Variants in GPI observed in about 807,000 individuals in gnomAD.
The protein encoded by GPI is D-hexose-6-phosphate anomerase.
In GPI, 56 loss-of-function variants were observed where a neutral mutation model predicts 75.8. The observed-to-expected ratio is 0.74, with a 90% CI of 0.60 to 0.92. The LOEUF (loss-of-function observed/expected upper bound fraction) is 0.92, where lower values mean the gene tolerates loss of function less well. Ranked by LOEUF, GPI falls within the 40% of genes least tolerant of loss-of-function variation. The pLI, the probability that GPI is intolerant of heterozygous loss-of-function variation, is 0.00. For synonymous variants in GPI, 288 were observed against 285.4 expected (o/e 1.01, Z -0.09); for missense variants, 638 against 741.0 (o/e 0.86, Z 1.61).
At chr19:34,372,087 C>T (rs2074462047) in intron 4 of GPI, among the ~76,000 whole-genome samples, 1 of 151,752 alleles carries the variant, frequency 6.6e-6, no homozygotes, top group Non-Finnish European at 1.5e-5. Flanking sequence ...TCCGCCACCA[C>T]ACCCAGCTAA....
intron 14 of GPI, among the ~76,000 whole-genome samples, 192 bp downstream of exon 14, chr19:34,396,849 C>T (rs961646037): frequency 6.6e-6 from 1 of 152,112 alleles, no homozygotes; most frequent in African/African-American, 2.4e-5. Context: ...CTTGCTCTGT[C>T]GCCCAGGCTG....
upstream of GPI, chr19:34,365,014 C>T (rs2074332318): frequency 6.5e-7 from 1 of 1,531,094 alleles, no homozygotes; most frequent in African/African-American, 1.4e-5. Flanking sequence ...AGCGGCGGCG[C>T]AAGAGGTAGG....
rs2074563506 is a variant in GPI at position 34,377,439 on chromosome 19, A to T, written c.403-64A>T. 3 of 1,168,832 alleles carry T rather than the reference A, an allele frequency of 2.6e-6. 1 individual carries two copies. Among genetic ancestry groups the T allele is most frequent in the Non-Finnish European group, 3.9e-6 (3 of 777,398 alleles). The allele number at this position is 1,168,832 out of a possible 1,614,324, so 72.4% of individuals were successfully genotyped here. A position where few individuals can be genotyped will look rare whatever the true frequency, so the allele number is the denominator to read the frequency against. ...GAGGTACCAGGACACGGCAGTAATG[A>T]TGTTTTTGAGCAGCGGATTATGCCT... On this transcript the variant is annotated intron_variant, in intron 4 of 17. Coordinates refer to ENST00000356487, the MANE Select transcript of GPI (RefSeq NM_000175.5).
chr19:34,368,226 A>G (rs977553722), intron 3 of GPI, among the ~76,000 whole-genome samples: 5 of 152,180 alleles, frequency 3.3e-5, no homozygotes, highest in African/African-American at 1.2e-4. Flanking sequence ...CGGCCTCTGA[A>G]AGCATTTATT....
chr19:34,359,886 C>T (rs976231895), upstream of GPI: 1 of 152,348 alleles, frequency 6.6e-6, no homozygotes, highest in African/African-American at 2.4e-5. Context: ...CTGTGCCCGC[C>T]ACAGCCTGCA....
intron 2 of GPI, 83 bp from the exon 3 acceptor site, chr19:34,366,700 C>T: frequency 2.1e-6 from 2 of 941,084 alleles, no homozygotes; most frequent in Non-Finnish European, 3.5e-6. Flanking sequence ...TCATTGGGGA[C>T]AGCACCAAGC....
chr19:34,368,155 A>C (rs1405109048), intron 3 of GPI, among the ~76,000 whole-genome samples: 1 of 152,168 alleles, frequency 6.6e-6, no homozygotes, highest in Non-Finnish European at 1.5e-5. Flanking sequence ...TCATGACCTC[A>C]AGTTATCCAC....
At chr19:34,369,445 G>T (rs1190774904) in intron 4 of GPI, among the ~76,000 whole-genome samples, 3 of 152,148 alleles carry the variant, frequency 2.0e-5, no homozygotes, top group Non-Finnish European at 4.4e-5. Flanking sequence ...GATGGCTCAT[G>T]CCTGTGATTC....
intron 4 of GPI, among the ~76,000 whole-genome samples, chr19:34,373,714 T>C (rs2074490197): frequency 1.3e-5 from 2 of 152,192 alleles, no homozygotes; most frequent in South Asian, 4.1e-4. Context: ...GTGTTTGGTG[T>C]AGTGGCTCTG....
chr19:34,377,914 C>T (rs1193138956), intron 6 of GPI, 33 bp downstream of exon 6: 3 of 1,612,502 alleles, frequency 1.9e-6, no homozygotes, highest in Admixed American at 1.7e-5. Flanking sequence ...GGCCCCTGGC[C>T]CTGTGTGTGT....
intron 14 of GPI, 79 bp from the exon 15 acceptor site, chr19:34,399,128 G>A: frequency 1.4e-6 from 2 of 1,456,796 alleles, no homozygotes; most frequent in Non-Finnish European, 1.9e-6. Context: ...GACCCCTGCT[G>A]AGAAGTACCA....
rs759824941 is a variant in GPI at position 34,399,694 on chromosome 19, T to C, written c.1475-25T>C. 33 of 1,613,716 alleles carry C rather than the reference T, an allele frequency of 2.0e-5. No homozygotes were observed. The Admixed American group carries it at 5.5e-4, about 27-fold the overall frequency. ...TTGGAATGGGCTTGTGGAGCCCTGA[T>C]GTGCCCTGTCTGTCACTTCTGCAGC... On this transcript the variant is annotated intron_variant, in intron 16 of 17. Coordinates refer to ENST00000356487, the MANE Select transcript of GPI (RefSeq NM_000175.5).
intron 9 of GPI, among the ~76,000 whole-genome samples, chr19:34,386,969 T>TG (rs1416637836): frequency 3.9e-5 from 6 of 152,138 alleles, no homozygotes; most frequent in African/African-American, 1.4e-4. Flanking sequence ...AAGCAGAGAT[T>TG]GGCAGCATTG....
intron 9 of GPI, among the ~76,000 whole-genome samples, chr19:34,391,557 C>G (rs1163713241): frequency 3.2e-3 from 3 of 928 alleles, no homozygotes; most frequent in East Asian, 0.019. Context: ...GGATCTGGCC[C>G]TGGTATGAGA....
intron 4 of GPI, 164 bp downstream of exon 4, chr19:34,368,866 C>T: frequency 2.6e-6 from 2 of 754,730 alleles, no homozygotes; most frequent in Non-Finnish European, 4.6e-6. Flanking sequence ...CCTGGAGTCT[C>T]TGCTGAGGCC....
intron 14 of GPI, chr19:34,398,392 A>C (rs1378245964): frequency 6.6e-6 from 1 of 152,162 alleles, no homozygotes; most frequent in African/African-American, 2.4e-5. Context: ...TCCTGTCTAT[A>C]GTTCTGTGAT....
At chr19:34,365,609 T>C (rs759270125) in intron 1 of GPI, 10 of 776,128 alleles carry the variant, frequency 1.3e-5, no homozygotes, top group African/African-American at 8.6e-5. Flanking sequence ...GCCCCGGGTC[T>C]GCTTCGTTAC....
In GPI at chr19:34,393,186, G is replaced by A. The variant is rs367787592; in HGVS notation, c.805-62G>A. The A allele has an allele frequency of 5.7e-4, 745 of 1,314,084 alleles. 1 individual carries two copies. The highest frequency in any genetic ancestry group is 7.6e-4 in the Non-Finnish European group (693 of 907,034). 81.4% of individuals were successfully genotyped at this position (1,314,084 alleles called of 1,614,324 possible). A position where few individuals can be genotyped will look rare whatever the true frequency, so the allele number is the denominator to read the frequency against. ...GTGCAAGACCAGGGACAGGGTTTCC[G>A]GCAGGAGGTGGGGGGCGGGGTGTGC... On this transcript the variant is annotated intron_variant, in intron 9 of 17. Coordinates refer to ENST00000356487, the MANE Select transcript of GPI (RefSeq NM_000175.5). The surrounding 1 kb of genome is among the most constrained non-coding windows in gnomAD (Gnocchi z 4.4).
chr19:34,368,872 A>C, intron 4 of GPI, 170 bp downstream of exon 4: 1 of 743,468 alleles, frequency 1.3e-6, no homozygotes, highest in East Asian at 2.7e-5. Context: ...GTCTCTGCTG[A>C]GGCCTGAATT....
Sources: allele counts gnomAD v4.1 joint callset (sites outside exome capture counted in the v4.1 genomes callset), GRCh38; gene constraint gnomAD v4.1.1; non-coding constraint Gnocchi (gnomAD v3.1); transcripts MANE v1.5; gene names NCBI Gene and HGNC (gene_info 2026-07-23, HGNC 2026-07-21).